The following PDE1C variants were observed in gnomAD, a reference collection of about 807,000 sequenced individuals.
PDE1C encodes dual specificity calcium/calmodulin-dependent 3',5'-cyclic nucleotide phosphodiesterase 1C.
A neutral mutation model predicts 93.1 loss-of-function variants in PDE1C; 62 were observed. That is an observed-to-expected ratio of 0.67 (90% confidence interval 0.54 to 0.82). PDE1C has a LOEUF of 0.82. Ranked by LOEUF, PDE1C falls within the 40% of genes least tolerant of loss-of-function variation. The probability of loss-of-function intolerance (pLI) is 0.00; values close to 1 mark genes in which losing one functional copy is unlikely to be tolerated. For missense variants in PDE1C, 742 were observed against 884.6 expected, an observed-to-expected ratio of 0.84 and a Z score of 2.04; for synonymous variants, 325 against 310.1, an observed-to-expected ratio of 1.05 and a Z score of -0.50.
intron 1 of PDE1C, among the ~76,000 whole-genome samples, chr7:32,251,765 T>C (rs1369342444): frequency 6.6e-6 from 1 of 152,238 alleles, no homozygotes; most frequent in Non-Finnish European, 1.5e-5. Context: ...TTTTCCACCA[T>C]GTCTGCCCTT....
the PDE1C span, among the ~76,000 whole-genome samples, chr7:31,662,067 A>C: frequency 1.3e-5 from 2 of 152,272 alleles, no homozygotes; most frequent in African/African-American, 4.8e-5. Context: ...ATCAGGTAAT[A>C]CTGTCATCAC....
At chr7:32,384,486 G>A (rs984475707) in intron 1 of PDE1C, among the ~76,000 whole-genome samples, 2 of 152,160 alleles carry the variant, frequency 1.3e-5, no homozygotes, top group Non-Finnish European at 2.9e-5. Context: ...CCTTTAGAAA[G>A]AAATGTCTCA....
At chr7:31,983,949 AG>A (rs1783036109) in intron 2 of PDE1C, among the ~76,000 whole-genome samples, 2 of 152,292 alleles carry the variant, frequency 1.3e-5, no homozygotes, top group Admixed American at 1.3e-4. Flanking sequence ...GGGGTGGAGT[AG>A]GTCAAAGATG....
chr7:31,851,093 C>CACAT (rs1554368385), intron 7 of PDE1C, among the ~76,000 whole-genome samples: 45,172 of 147,986 alleles, frequency 0.31, 7,442 homozygotes, highest in East Asian at 0.54. Context: ...CACACACACA[C>CACAT]ACACACATAA....
At chr7:32,062,722 C>T (rs924470356) in intron 1 of PDE1C, among the ~76,000 whole-genome samples, 11 of 152,156 alleles carry the variant, frequency 7.2e-5, no homozygotes, top group Non-Finnish European at 1.5e-5. Context: ...CTACTGTAGG[C>T]TGAACATCCC....
chr7:32,220,745 G>C (rs188673380), intron 1 of PDE1C, among the ~76,000 whole-genome samples: 15 of 152,312 alleles, frequency 9.8e-5, no homozygotes, highest in African/African-American at 3.4e-4. Context: ...GTGAACCCAG[G>C]AGGTGGAGCT....
chr7:32,341,907 C>A (rs879328718), intron 1 of PDE1C, among the ~76,000 whole-genome samples: 4 of 152,066 alleles, frequency 2.6e-5, no homozygotes, highest in Non-Finnish European at 4.4e-5. Flanking sequence ...CTTTTTGCCT[C>A]CATTTCCTTA....
intron 6 of PDE1C, among the ~76,000 whole-genome samples, chr7:31,867,265 T>C (rs1212548480): frequency 6.6e-6 from 1 of 152,016 alleles, no homozygotes. Context: ...GCTGCAGCCA[T>C]GACCAAAGCA....
chr7:31,949,421 T>C (rs1430986496), intron 2 of PDE1C, among the ~76,000 whole-genome samples: 6 of 152,116 alleles, frequency 3.9e-5, no homozygotes, highest in Admixed American at 2.0e-4. Flanking sequence ...GATCCTGCCA[T>C]TGCACTCCAG....
intron 1 of PDE1C, among the ~76,000 whole-genome samples, chr7:32,412,535 A>G (rs112647097): frequency 0.022 from 3,322 of 152,220 alleles, 54 homozygotes; most frequent in Middle Eastern, 0.051. Context: ...GTTATGTAGT[A>G]TACATAATTG....
At chr7:32,248,824 A>G (rs971623089) in intron 1 of PDE1C, among the ~76,000 whole-genome samples, 15 of 152,210 alleles carry the variant, frequency 9.9e-5, no homozygotes, top group Non-Finnish European at 1.9e-4. Flanking sequence ...GAGAGAAAAG[A>G]CTTTGTGAAG....
chr7:32,056,538 T>C (rs929567775), intron 1 of PDE1C, among the ~76,000 whole-genome samples: 4 of 152,152 alleles, frequency 2.6e-5, no homozygotes, highest in African/African-American at 7.2e-5. Flanking sequence ...TAGCAACTTA[T>C]ATCACTTCTC....
At chr7:32,211,547 C>A in intron 1 of PDE1C, among the ~76,000 whole-genome samples, 1 of 146,182 alleles carries the variant, frequency 6.8e-6, no homozygotes. Context: ...GGAAAGCTCT[C>A]AAGAGTTGTC....
intron 2 of PDE1C, among the ~76,000 whole-genome samples, chr7:31,921,497 T>A (rs1166449181): frequency 2.0e-5 from 3 of 152,190 alleles, no homozygotes; most frequent in Non-Finnish European, 4.4e-5. Context: ...TATATGGTGT[T>A]ATTTCAGGAT....
the PDE1C span, among the ~76,000 whole-genome samples, chr7:31,721,075 C>T: frequency 6.6e-6 from 1 of 152,172 alleles, no homozygotes; most frequent in Non-Finnish European, 1.5e-5. Context: ...CCAAAATGTT[C>T]TCTCTAATCA....
Position 31,873,376 on chromosome 7 carries a change from G to A in PDE1C, c.525C>T (p.Ser175=), listed in dbSNP as rs76290787. 2,626 of 1,613,452 alleles carry A rather than the reference G, an allele frequency of 1.6e-3. 35 individuals are homozygous for A. The African/African-American group carries it at 0.028, about 17-fold the overall frequency. Residue 175 remains serine, a synonymous_variant, in exon 6 of 18, where the codon TCC becomes TCT. Coordinates refer to ENST00000396191, the MANE Select transcript of PDE1C (RefSeq NM_001191057.4). Reference sequence around the variant, plus strand: ...CATGATCCCCACTGGCCTCATTGAGGGAAAAGACGTCAAAGGACCACTTGT... The same window carrying A: ...CATGATCCCCACTGGCCTCATTGAGAGAAAAGACGTCAAAGGACCACTTGT... ...DVDKWSFDVF[S]LNEASGDHAL... is the part of the protein sequence containing the mutation.
intron 2 of PDE1C, among the ~76,000 whole-genome samples, chr7:32,038,652 T>C (rs965327635): frequency 2.0e-5 from 3 of 152,160 alleles, no homozygotes; most frequent in Non-Finnish European, 2.9e-5. Context: ...ATGCTAGTGA[T>C]ATATTGCCTT....
At chr7:31,773,363 G>A (rs921698713) in intron 17 of PDE1C, among the ~76,000 whole-genome samples, 9 of 152,038 alleles carry the variant, frequency 5.9e-5, no homozygotes, top group Non-Finnish European at 1.3e-4. Context: ...GGCCATCCCT[G>A]GGTCCCCAGC....
intron 1 of PDE1C, among the ~76,000 whole-genome samples, chr7:32,221,550 A>C (rs78305972): frequency 0.015 from 2,252 of 152,278 alleles, 77 homozygotes; most frequent in African/African-American, 0.052. Flanking sequence ...TGCATTTCGA[A>C]CAAACTCTCA....
Sources: allele counts gnomAD v4.1 joint callset (sites outside exome capture counted in the v4.1 genomes callset), GRCh38; gene constraint gnomAD v4.1.1; transcripts MANE v1.5; gene names NCBI Gene and HGNC (gene_info 2026-07-23, HGNC 2026-07-21).